The following MTAP variants were observed in gnomAD, a reference collection of about 807,000 sequenced individuals.
The protein encoded by MTAP is S-methyl-5'-thioadenosine phosphorylase.
In MTAP, 33 loss-of-function variants were observed where a neutral mutation model predicts 33.6. The observed-to-expected ratio is 0.98, with a 90% confidence interval of 0.74 to 1.31. The LOEUF (loss-of-function observed/expected upper bound fraction) is 1.31. MTAP is among the 40% of genes most tolerant of loss of function. MTAP has a pLI of 0.00. For missense variants in MTAP, 367 were observed against 360.0 expected, an observed-to-expected ratio of 1.02 and a Z score of -0.16; for synonymous variants, 148 against 125.7, an observed-to-expected ratio of 1.18 and a Z score of -1.19.
intron 1 of MTAP, 134 bp downstream of exon 1, chr9:21,802,915 G>A (rs910454897): frequency 6.9e-7 from 1 of 1,448,648 alleles, no homozygotes; most frequent in South Asian, 1.5e-5. Context: ...GGACTGGGGC[G>A]CGGCACTCGG....
chr9:21,826,728 T>C (rs1824819007), intron 4 of MTAP, among the ~76,000 whole-genome samples: 1 of 152,042 alleles, frequency 6.6e-6, no homozygotes, highest in Admixed American at 6.5e-5. Context: ...TTTTTGGACC[T>C]TTTCTGCATT....
intron 1 of MTAP, among the ~76,000 whole-genome samples, chr9:21,810,429 A>C (rs370841326): frequency 1.5e-5 from 2 of 131,630 alleles, no homozygotes; most frequent in African/African-American, 7.9e-5. Flanking sequence ...AAGGAAACAA[A>C]AAAGAGACAA....
At chr9:21,808,895 T>C (rs1247764240) in intron 1 of MTAP, 1 of 152,254 alleles carries the variant, frequency 6.6e-6, no homozygotes, top group Non-Finnish European at 1.5e-5. Flanking sequence ...GGGAAGACCA[T>C]GTGAAGACAC....
chr9:21,823,207 C>T (rs942310538), intron 4 of MTAP, among the ~76,000 whole-genome samples: 2 of 152,166 alleles, frequency 1.3e-5, no homozygotes. Flanking sequence ...TTAGTTGATG[C>T]AGTTTCTTCC....
chr9:21,830,026 G>A (rs551718201), intron 4 of MTAP, among the ~76,000 whole-genome samples: 2 of 152,170 alleles, frequency 1.3e-5, no homozygotes, highest in Non-Finnish European at 2.9e-5. Context: ...CCTGGAAAAA[G>A]AGGTAGAGAG....
chr9:21,894,153 A>G (rs1818247907), intron 1 of MTAP, among the ~76,000 whole-genome samples: 2 of 151,522 alleles, frequency 1.3e-5, no homozygotes, highest in South Asian at 2.1e-4. Flanking sequence ...CAAATACCAC[A>G]TTATCATTTC....
rs1020757334 is a variant in MTAP at position 21,803,036 on chromosome 9, A to ACG, written c.33+256_33+257insGC. The ACG allele has an allele frequency of 5.1e-5, 53 of 1,039,920 alleles. No homozygotes were observed. The African/African-American group carries it at 9.3e-4, about 18-fold the overall frequency. 64.4% of individuals were successfully genotyped at this position (1,039,920 alleles called of 1,614,324 possible). On this transcript the variant is annotated intron_variant, in intron 1 of 7. Transcript: ENST00000644715. ...CACACACACACACACACACACACAC[A>ACG]CCACCTTTTGGCTTATCTGCACCCG...
chr9:21,883,974 A>T (rs1345372350), intron 1 of MTAP, among the ~76,000 whole-genome samples: 1 of 152,156 alleles, frequency 6.6e-6, no homozygotes, highest in Non-Finnish European at 1.5e-5. Flanking sequence ...TGAAGCTGCA[A>T]TATTGCAGAG....
rs765736538 is a variant in MTAP at position 21,931,093 on chromosome 9, TC to T, written c.236del (p.Pro79HisfsTer16). On this transcript the variant is annotated frameshift_variant, in exon 2 of 2. Coordinates refer to the MTAP transcript ENST00000577563. LOFTEE classifies it high-confidence loss of function. ...CCCTTCTACAGAGGACTCCTAGACT[TC>T]CCATCAGTGGGACATGGCAGAGGTG... The T allele has an allele frequency of 1.3e-6, 1 of 763,948 alleles. No homozygotes were observed. Among genetic ancestry groups the T allele is most frequent in the African/African-American group, 1.7e-5 (1 of 59,100 alleles). 47.3% of individuals were successfully genotyped at this position (763,948 alleles called of 1,614,324 possible).
intron 4 of MTAP, among the ~76,000 whole-genome samples, chr9:21,835,718 C>T (rs897260417): frequency 6.6e-6 from 1 of 152,118 alleles, no homozygotes; most frequent in African/African-American, 2.4e-5. Flanking sequence ...GGGCATCATC[C>T]ACTCCCCTCA....
chr9:21,914,062 A>G (rs1457113103), intron 1 of MTAP, among the ~76,000 whole-genome samples: 2 of 152,220 alleles, frequency 1.3e-5, no homozygotes, highest in Non-Finnish European at 2.9e-5. Context: ...AGAGAAATGC[A>G]AATCAAAATC....
rs947109633 is a variant in MTAP at position 21,903,600 on chromosome 9, T to C, written c.148-27408T>C. ...TTCCTGAAAATATTGAACAGACTCA[T>C]TGGGAGAAGACAATCCTTTTCAGCT... On this transcript the variant is annotated intron_variant, in intron 1 of 1. Coordinates refer to the MTAP transcript ENST00000577563. Among the ~76,000 whole-genome samples the C allele has an allele frequency of 1.9e-4, 29 of 152,258 alleles. 1 individual carries two copies. The highest frequency in any genetic ancestry group is 8.3e-4 in the South Asian group (4 of 4,822).
chr9:21,857,071 G>A (rs985131790), intron 6 of MTAP, among the ~76,000 whole-genome samples: 5 of 152,182 alleles, frequency 3.3e-5, no homozygotes, highest in African/African-American at 9.7e-5. Context: ...GGAGTGGGGG[G>A]CCTGAGAGGT....
chr9:21,866,273 T>C lies in MTAP; in HGVS notation c.*4259T>C, dbSNP rs1007371248. ...TGAATAGTAAGAATTGTTTATATAT[T>C]CTGGATACACTCTTTTTCAGATATG... is the stretch of plus-strand genomic sequence containing the variant. On this transcript the variant is annotated 3_prime_UTR_variant, in exon 8 of 8. Coordinates refer to ENST00000644715, the MANE Select transcript of MTAP (RefSeq NM_002451.4). 1 of 152,212 alleles carries C rather than the reference T, an allele frequency of 6.6e-6. No homozygotes were observed. The highest frequency in any genetic ancestry group is 2.4e-5 in the African/African-American group (1 of 41,456). The allele number at this position is 152,212 out of a possible 1,614,324, so 9.4% of individuals were successfully genotyped here.
chr9:21,802,891 G>GC (rs1348401202), intron 1 of MTAP, 110 bp downstream of exon 1: 1 of 1,492,474 alleles, frequency 6.7e-7, no homozygotes, highest in East Asian at 2.5e-5. Context: ...TGCGTCCCTT[G>GC]CCGCCGCGGG....
At chr9:21,817,822 C>T (rs1425454660) in intron 3 of MTAP, among the ~76,000 whole-genome samples, 2 of 152,156 alleles carry the variant, frequency 1.3e-5, no homozygotes, top group Admixed American at 6.5e-5. Context: ...TAGGGTCTGT[C>T]TGCCACTCTA....
chr9:21,826,589 C>A (rs1006088973), intron 4 of MTAP, among the ~76,000 whole-genome samples: 2 of 147,006 alleles, frequency 1.4e-5, no homozygotes, highest in Non-Finnish European at 3.0e-5. Flanking sequence ...CGATCAGGTG[C>A]CAGAGGTGCT....
At position 21,854,657 on chromosome 9, in the gene MTAP, A is replaced by G. The variant is rs748838840; in HGVS notation, c.477A>G (p.Leu159=). ...REVLIETAKK[L]GLRCHSKGTM... is the part of the protein sequence containing the mutation. ...TTCTTATAGAGACTGCTAAGAAGCT[A>G]GGACTCCGGTGCCACTCAAAGGGGA... Residue 159 remains leucine, a synonymous_variant, in exon 6 of 8, where the codon CTA becomes CTG. Transcript: ENST00000644715. 3 of 1,600,330 alleles carry G rather than the reference A, an allele frequency of 1.9e-6. No individual in the cohort carries two copies. The highest frequency in any genetic ancestry group is 1.3e-5 in the African/African-American group (1 of 74,166).
chr9:21,807,285 G>T (rs1720346575), intron 1 of MTAP, among the ~76,000 whole-genome samples: 1 of 152,224 alleles, frequency 6.6e-6, no homozygotes, highest in South Asian at 2.1e-4. Context: ...AGATGGACAA[G>T]TCATGGTTTG....
Sources: allele counts gnomAD v4.1 joint callset (sites outside exome capture counted in the v4.1 genomes callset), GRCh38; gene constraint gnomAD v4.1.1; transcripts MANE v1.5; gene names NCBI Gene and HGNC (gene_info 2026-07-23, HGNC 2026-07-21).